Variants in PTPRT observed in about 807,000 individuals in gnomAD.
PTPRT encodes the protein protein tyrosine phosphatase receptor type T.
A neutral mutation model predicts 176.8 loss-of-function variants in PTPRT; 56 were observed. The observed-to-expected ratio is 0.32, with a 90% CI of 0.26 to 0.40. PTPRT has a LOEUF of 0.40. Among genes scored for constraint, PTPRT ranks in the 10% least tolerant of loss-of-function variants. The pLI, the probability that PTPRT is intolerant of heterozygous loss-of-function variation, is 1.00. For synonymous variants in PTPRT, 783 were observed against 739.0 expected (o/e 1.06, Z -0.96); for missense variants, 1,540 against 1,908.2 (o/e 0.81, Z 3.60).
At chr20:42,193,522 T>G (rs1991080530) in intron 16 of PTPRT, among the ~76,000 whole-genome samples, 1 of 152,230 alleles carries the variant, frequency 6.6e-6, no homozygotes, top group African/African-American at 2.4e-5. Flanking sequence ...CTTATTTGCT[T>G]CTAATTCTAT....
chr20:42,942,404 C>A (rs892898160), intron 1 of PTPRT, among the ~76,000 whole-genome samples: 1 of 152,224 alleles, frequency 6.6e-6, no homozygotes, highest in African/African-American at 2.4e-5. Flanking sequence ...GCTTAAATTT[C>A]TTTTCCCTAT....
intron 1 of PTPRT, among the ~76,000 whole-genome samples, chr20:43,014,404 G>A (rs1346919012): frequency 6.6e-6 from 1 of 152,186 alleles, no homozygotes; most frequent in East Asian, 1.9e-4. Context: ...AAGCCAAGCT[G>A]ATGTTTCATT....
intron 1 of PTPRT, among the ~76,000 whole-genome samples, chr20:42,950,125 C>G (rs1255635407): frequency 1.3e-5 from 2 of 152,164 alleles, no homozygotes; most frequent in Non-Finnish European, 2.9e-5. Flanking sequence ...CATTAACCAT[C>G]CCCAAGAGAG....
chr20:42,986,043 G>A (rs748646109), intron 1 of PTPRT, among the ~76,000 whole-genome samples: 3 of 152,176 alleles, frequency 2.0e-5, no homozygotes, highest in South Asian at 2.1e-4. Context: ...CCAAGTTACC[G>A]CGGATCATTT....
chr20:42,446,615 TGTGTGTGAGAGAGA>T (rs1420518837), intron 9 of PTPRT, among the ~76,000 whole-genome samples: 2 of 148,148 alleles, frequency 1.3e-5, no homozygotes, highest in Admixed American at 6.7e-5. Flanking sequence ...TGTGTGTGTG[TGTGTGTGAGAGAGA>T]GAGAGAGATT....
At chr20:43,109,867 T>C (rs2012785962) in intron 1 of PTPRT, among the ~76,000 whole-genome samples, 1 of 152,082 alleles carries the variant, frequency 6.6e-6, no homozygotes, top group South Asian at 2.1e-4. Context: ...TGGCATGCTC[T>C]AGGAATTTTT....
At chr20:42,259,579 G>C (rs2056711187) in intron 13 of PTPRT, among the ~76,000 whole-genome samples, 1 of 152,224 alleles carries the variant, frequency 6.6e-6, no homozygotes. Context: ...GTAAGACTAA[G>C]ACCTTAAGCT....
intron 6 of PTPRT, among the ~76,000 whole-genome samples, chr20:42,737,659 C>T (rs75046711): frequency 0.012 from 1,768 of 150,052 alleles, 44 homozygotes; most frequent in African/African-American, 0.041. Context: ...GAAACAGATT[C>T]TCCCTCAGAG....
intron 11 of PTPRT, among the ~76,000 whole-genome samples, chr20:42,336,105 A>T (rs2058035783): frequency 6.6e-6 from 1 of 152,156 alleles, no homozygotes; most frequent in South Asian, 2.1e-4. Context: ...TTAATTATGT[A>T]ATAATATAAT....
intron 19 of PTPRT, among the ~76,000 whole-genome samples, chr20:42,123,118 T>C (rs968920215): frequency 5.3e-5 from 8 of 152,110 alleles, no homozygotes; most frequent in African/African-American, 1.9e-4. Flanking sequence ...GTGAAATACA[T>C]GTATGAATGT....
intron 2 of PTPRT, among the ~76,000 whole-genome samples, chr20:42,835,955 A>G (rs780437117): frequency 2.0e-5 from 3 of 152,108 alleles, no homozygotes; most frequent in Non-Finnish European, 4.4e-5. Flanking sequence ...TTTCTACGAG[A>G]TAGCACGTTG....
At chr20:42,060,465 C>T in the PTPRT span, among the ~76,000 whole-genome samples, 1 of 152,210 alleles carries the variant, frequency 6.6e-6, no homozygotes, top group Non-Finnish European at 1.5e-5. Flanking sequence ...CAAATCTCCT[C>T]CTGAATTCCC....
intron 9 of PTPRT, among the ~76,000 whole-genome samples, chr20:42,401,180 T>G: frequency 6.7e-6 from 1 of 149,650 alleles, no homozygotes; most frequent in Admixed American, 6.7e-5. Flanking sequence ...AACCTTTATT[T>G]AAAAAAGTCT....
intron 12 of PTPRT, among the ~76,000 whole-genome samples, chr20:42,313,875 T>C (rs2057674259): frequency 1.3e-5 from 2 of 152,188 alleles, no homozygotes; most frequent in South Asian, 4.1e-4. Flanking sequence ...CTTGAACCAG[T>C]AATAAATGCA....
intron 1 of PTPRT, among the ~76,000 whole-genome samples, chr20:43,031,813 C>T (rs942117724): frequency 6.6e-6 from 1 of 152,152 alleles, no homozygotes; most frequent in African/African-American, 2.4e-5. Context: ...ACCTCCAATG[C>T]CCTTTCATGG....
chr20:42,963,423 A>G lies in PTPRT; in HGVS notation c.89-77491T>C, dbSNP rs1390842461. Among the ~76,000 whole-genome samples, 6 of 151,364 alleles carry G rather than the reference A, an allele frequency of 4.0e-5. No individual in the cohort carries two copies. The East Asian group carries it at 7.7e-4, about 19-fold the overall frequency. On this transcript the variant is annotated intron_variant, in intron 1 of 30. Transcript: ENST00000373187. ...TAAATATATAAAAATAAAAATAAAA[A>G]ATAAAAAAATAAAAACAACCTAACC... is the stretch of plus-strand genomic sequence containing the variant.
At chr20:42,787,689 T>A (rs1329920904) in intron 3 of PTPRT, among the ~76,000 whole-genome samples, 1 of 152,236 alleles carries the variant, frequency 6.6e-6, no homozygotes, top group Non-Finnish European at 1.5e-5. Flanking sequence ...TAAGGCTATA[T>A]GCTTAATGCA....
intron 8 of PTPRT, 76 bp downstream of exon 8, chr20:42,472,190 C>G: frequency 6.7e-7 from 1 of 1,486,526 alleles, no homozygotes; most frequent in Admixed American, 2.1e-5. Context: ...AAATAAAAGC[C>G]TCATAACTGA....
chr20:42,277,721 CAG>C (rs2057065534), intron 13 of PTPRT, among the ~76,000 whole-genome samples: 1 of 152,112 alleles, frequency 6.6e-6, no homozygotes, highest in South Asian at 2.1e-4. Flanking sequence ...GGAACAGAAA[CAG>C]AGGCTGGCTG....
Sources: gnomAD v4.1 joint callset for allele counts (sites outside exome capture counted in the v4.1 genomes callset) on GRCh38, gnomAD v4.1.1 for gene constraint, MANE v1.5 for transcripts, NCBI Gene and HGNC (gene_info 2026-07-23, HGNC 2026-07-21) for gene names.